Variants in ATP6V1B1 observed in about 807,000 individuals in gnomAD.
ATP6V1B1 encodes the protein V-type proton ATPase subunit B, kidney isoform.
A neutral mutation model predicts 62.1 loss-of-function variants in ATP6V1B1; 41 were observed. That is an observed-to-expected ratio of 0.66 (90% CI 0.51 to 0.86). The LOEUF (loss-of-function observed/expected upper bound fraction) is 0.86. ATP6V1B1 is among the 40% of genes least tolerant of loss of function. ATP6V1B1 has a pLI of 0.00. For synonymous variants in ATP6V1B1, 253 were observed against 273.4 expected, an observed-to-expected ratio of 0.93 and a Z score of 0.74; for missense variants, 651 against 697.5, an observed-to-expected ratio of 0.93 and a Z score of 0.75.
chr2:70,961,624 A>G lies in ATP6V1B1; in HGVS notation c.716A>G (p.Lys239Arg), dbSNP rs781985853. The part of the protein sequence containing the change: ...GVNMETARFF[K>R]SDFEQNGTMG... ...AACATGGAGACAGCCAGATTCTTCAAGTCTGACTTTGAGCAGAATGGAACC... is the reference window on the plus strand; with the variant it reads ...AACATGGAGACAGCCAGATTCTTCAGGTCTGACTTTGAGCAGAATGGAACC... Residue 239 changes from lysine (K) to arginine (R), a missense_variant, in exon 8 of 14, where the codon AAG becomes AGG. By Grantham distance (26) the Lys-to-Arg change is conservative (BLOSUM62 2). Coordinates refer to ENST00000234396, the MANE Select transcript of ATP6V1B1 (RefSeq NM_001692.4). 2 of 1,614,248 alleles carry G rather than the reference A, an allele frequency of 1.2e-6. No homozygotes were observed. The highest frequency in any genetic ancestry group is 2.2e-5 in the South Asian group (2 of 91,088).
At position 70,936,691 on chromosome 2, in the gene ATP6V1B1, GGT is replaced by G. The variant is rs143289235; in HGVS notation, c.118+631_118+632del. Among the ~76,000 whole-genome samples the G allele has an allele frequency of 2.6e-5, 4 of 152,184 alleles. No individual in the cohort carries two copies. The East Asian group carries it at 5.8e-4, about 22-fold the overall frequency. On this transcript the variant is annotated intron_variant, in intron 1 of 13. Transcript: ENST00000234396. Reference sequence around the variant, plus strand: ...TGCATGCTTATGCACTCAGGGCAAAGGTGTGTGTGTGTGCACTTAGGTGTGAT... The same window carrying G: ...TGCATGCTTATGCACTCAGGGCAAAGGTGTGTGTGTGCACTTAGGTGTGAT...
intron 2 of ATP6V1B1, among the ~76,000 whole-genome samples, chr2:70,953,167 C>T (rs1432366967): frequency 2.6e-5 from 4 of 152,002 alleles, no homozygotes; most frequent in African/African-American, 7.2e-5. Context: ...GGTTTCACCA[C>T]GTTGGCCAGG....
intron 2 of ATP6V1B1, among the ~76,000 whole-genome samples, chr2:70,956,496 TA>T (rs1453144191): frequency 2.6e-5 from 4 of 152,280 alleles, no homozygotes; most frequent in Non-Finnish European, 5.9e-5. Flanking sequence ...TTTTGGCTAT[TA>T]TGAATATTGC....
intron 2 of ATP6V1B1, among the ~76,000 whole-genome samples, chr2:70,950,871 T>G: frequency 6.6e-6 from 1 of 151,970 alleles, no homozygotes; most frequent in East Asian, 1.9e-4. Context: ...GTTAATATAT[T>G]ATCTCATTTG....
At chr2:70,954,442 T>C (rs1553418704) in intron 2 of ATP6V1B1, among the ~76,000 whole-genome samples, 1 of 152,232 alleles carries the variant, frequency 6.6e-6, no homozygotes, top group African/African-American at 2.4e-5. Context: ...ATGGCACAGC[T>C]TTATATCTTT....
chr2:70,965,094 G>A lies in ATP6V1B1; in HGVS notation c.1515G>A (p.Gln505=), dbSNP rs370462494. 1.7e-5 allele frequency: 28 copies of A among 1,612,068 alleles called. No individual in the cohort carries two copies. In the African/African-American group the frequency reaches 3.6e-4, roughly 21 times the overall value. The change falls in exon 14 of 14, where the codon CAG becomes CAA. Residue 505 remains glutamine (Q), a synonymous_variant. Transcript: ENST00000234396. ...TCTATTCCCGCGAGGGGGCGCTGCA[G>A]GACCTCGCGCCTGACACTGCGCTCT... ...DEFYSREGAL[Q]DLAPDTAL is the part of the protein sequence containing the mutation.
chr2:70,945,697 A>AAG (rs1230050317), intron 2 of ATP6V1B1, among the ~76,000 whole-genome samples: 386 of 38,242 alleles, frequency 0.01, 5 homozygotes, highest in African/African-American at 0.025. Flanking sequence ...TGGCTATTTG[A>AAG]AGAGATATAT....
chr2:70,961,744 C>G, intron 8 of ATP6V1B1, 51 bp downstream of exon 8: 2 of 1,546,086 alleles, frequency 1.3e-6, no homozygotes, highest in Non-Finnish European at 1.8e-6. Context: ...GACCCCGTCC[C>G]CTTCCAAGAC....
intron 1 of ATP6V1B1, among the ~76,000 whole-genome samples, chr2:70,938,216 C>G (rs1377496139): frequency 6.6e-6 from 1 of 152,178 alleles, no homozygotes; most frequent in Non-Finnish European, 1.5e-5. Flanking sequence ...ATCCCCTCCC[C>G]GCCTCACTCA....
At chr2:70,941,617 AGCC>A in intron 1 of ATP6V1B1, 1 of 825,804 alleles carries the variant, frequency 1.2e-6, no homozygotes, top group Non-Finnish European at 1.5e-6. Context: ...TCCTTCTTTT[AGCC>A]TGTAGGCACT....
chr2:70,953,914 A>G (rs1037657840), intron 2 of ATP6V1B1, among the ~76,000 whole-genome samples: 2 of 152,034 alleles, frequency 1.3e-5, no homozygotes, highest in Non-Finnish European at 2.9e-5. Context: ...ATGTTATCTA[A>G]TTTCTCAAAT....
At chr2:70,962,522 C>T (rs895294987) in intron 8 of ATP6V1B1, among the ~76,000 whole-genome samples, 1 of 152,188 alleles carries the variant, frequency 6.6e-6, no homozygotes, top group Non-Finnish European at 1.5e-5. Flanking sequence ...TGGCTTTTCC[C>T]ACCCAACTTG....
chr2:70,943,993 G>C (rs1314746485), intron 2 of ATP6V1B1: 19 of 984,044 alleles, frequency 1.9e-5, no homozygotes, highest in Non-Finnish European at 2.2e-5. Context: ...AAGCTGTCCT[G>C]CCTCCGTTTC....
intron 1 of ATP6V1B1, chr2:70,940,337 CACA>C: frequency 3.7e-6 from 3 of 808,238 alleles, no homozygotes; most frequent in Non-Finnish European, 4.5e-6. Context: ...CATCCCCTCC[CACA>C]CCCCCACCTC....
Position 70,964,543 on chromosome 2 carries a change from G to A in ATP6V1B1, c.1248+1G>A. The A allele has an allele frequency of 1.2e-6, 2 of 1,614,074 alleles. No individual in the cohort carries two copies. Among genetic ancestry groups the A allele is most frequent in the Non-Finnish European group, 1.7e-6 (2 of 1,179,930 alleles). Reference sequence around the variant, plus strand: ...CCATGGAGATGTCTCCAACCAGCTGGTAAGGAGAAGAGGGTCCGGGGGCTG... The same window carrying A: ...CCATGGAGATGTCTCCAACCAGCTGATAAGGAGAAGAGGGTCCGGGGGCTG... On this transcript the variant is annotated splice_donor_variant, in intron 12 of 13. Coordinates refer to ENST00000234396, the MANE Select transcript of ATP6V1B1 (RefSeq NM_001692.4). LOFTEE classifies it high-confidence loss of function.
chr2:70,960,395 T>C (rs1680557876), intron 6 of ATP6V1B1, among the ~76,000 whole-genome samples: 2 of 152,206 alleles, frequency 1.3e-5, no homozygotes, highest in Admixed American at 6.5e-5. Flanking sequence ...CTCCTGCTTC[T>C]CTCAACCACC....
chr2:70,965,124 C>T lies in ATP6V1B1; in HGVS notation c.*3C>T. 1.2e-6 allele frequency: 2 copies of T among 1,608,662 alleles called. No individual in the cohort carries two copies. Among genetic ancestry groups the T allele is most frequent in the Non-Finnish European group, 8.5e-7 (1 of 1,179,886 alleles). On this transcript the variant is annotated 3_prime_UTR_variant, in exon 14 of 14. Transcript: ENST00000234396. ...TCGCGCCTGACACTGCGCTCTAGCC[C>T]CGCGCGCCGTGGCACCCCAACACCG...
At chr2:70,944,818 G>A (rs965276520) in intron 2 of ATP6V1B1, among the ~76,000 whole-genome samples, 4 of 152,016 alleles carry the variant, frequency 2.6e-5, no homozygotes, top group South Asian at 2.1e-4. Context: ...ACAGGCACCC[G>A]CTACCACGCC....
rs115289911 is a variant in ATP6V1B1, at chr2:70,943,405, C to A, written c.119-253C>A. On this transcript the variant is annotated intron_variant, in intron 1 of 13. Coordinates refer to ENST00000234396, the MANE Select transcript of ATP6V1B1 (RefSeq NM_001692.4). Reference sequence around the variant, plus strand: ...GAGGCCTCTGTGTGGTGGGGGCGGACTCTGAGGAGGCCTCTGCCCTCTGCC... The same window carrying A: ...GAGGCCTCTGTGTGGTGGGGGCGGAATCTGAGGAGGCCTCTGCCCTCTGCC... The A allele has an allele frequency of 2.8e-5, 18 of 633,440 alleles. 1 individual carries two copies. The highest frequency in any genetic ancestry group is 2.8e-4 in the South Asian group (16 of 57,210). The allele number at this position is 633,440 out of a possible 1,614,324, so 39.2% of individuals were successfully genotyped here.
Sources: allele counts gnomAD v4.1 joint callset (sites outside exome capture counted in the v4.1 genomes callset), GRCh38; gene constraint gnomAD v4.1.1; transcripts MANE v1.5; gene names NCBI Gene and HGNC (gene_info 2026-07-23, HGNC 2026-07-21).